The following THSD7B variants were observed in gnomAD, a reference collection of about 807,000 sequenced individuals.
The protein encoded by THSD7B is thrombospondin type 1 domain containing 7B.
THSD7B carries 138 observed loss-of-function variants against 213.6 expected under a neutral mutation model. That is an observed-to-expected ratio of 0.65 (90% CI 0.56 to 0.74). THSD7B has a LOEUF of 0.74. Ranked by LOEUF, THSD7B falls within the 30% of genes least tolerant of loss-of-function variation. THSD7B has a pLI of 0.00. For synonymous variants in THSD7B, 742 were observed against 687.0 expected, an observed-to-expected ratio of 1.08 and a Z score of -1.25; for missense variants, 1,931 against 1,991.5, an observed-to-expected ratio of 0.97 and a Z score of 0.58.
intron 12 of THSD7B, among the ~76,000 whole-genome samples, chr2:137,335,061 T>A (rs1039945657): frequency 6.6e-6 from 1 of 152,210 alleles, no homozygotes; most frequent in Non-Finnish European, 1.5e-5. Context: ...AGCTCTTTTC[T>A]TTATAAATTA....
At chr2:137,196,388 T>C (rs1284597628) in intron 7 of THSD7B, among the ~76,000 whole-genome samples, 2 of 147,826 alleles carry the variant, frequency 1.4e-5, no homozygotes, top group African/African-American at 2.5e-5. Context: ...TTTTTTTTTT[T>C]TTTTTTTTTT....
chr2:136,880,313 C>T (rs1274482687), intron 1 of THSD7B, among the ~76,000 whole-genome samples: 1 of 152,168 alleles, frequency 6.6e-6, no homozygotes, highest in East Asian at 1.9e-4. Context: ...TTGCCACCCA[C>T]CTGTAGTAAT....
At chr2:137,170,538 G>A (rs975170786) in intron 6 of THSD7B, among the ~76,000 whole-genome samples, 19 of 152,124 alleles carry the variant, frequency 1.2e-4, no homozygotes, top group African/African-American at 4.1e-4. Context: ...TTGGAAGACA[G>A]ATTTCCTGCT....
intron 12 of THSD7B, among the ~76,000 whole-genome samples, chr2:137,323,001 C>T (rs2104881476): frequency 6.6e-6 from 1 of 152,274 alleles, no homozygotes; most frequent in African/African-American, 2.4e-5. Flanking sequence ...AGCTTCATGC[C>T]ATGGCTTTTG....
intron 1 of THSD7B, among the ~76,000 whole-genome samples, chr2:136,872,639 C>A (rs1573680630): frequency 8.5e-6 from 1 of 118,178 alleles, no homozygotes; most frequent in East Asian, 2.3e-4. Context: ...TTCTTTCTTT[C>A]TTTTCTCTCT....
chr2:137,153,951 C>G (rs746861708), intron 5 of THSD7B, among the ~76,000 whole-genome samples: 7 of 152,138 alleles, frequency 4.6e-5, no homozygotes, highest in Non-Finnish European at 8.8e-5. Context: ...TTGGGGAGTT[C>G]TGAGTCTTTG....
chr2:137,024,956 T>C (rs1686519097), intron 2 of THSD7B, among the ~76,000 whole-genome samples: 1 of 152,184 alleles, frequency 6.6e-6, no homozygotes, highest in South Asian at 2.1e-4. Flanking sequence ...CCCACCACTG[T>C]CTCATTCCCG....
intron 12 of THSD7B, among the ~76,000 whole-genome samples, chr2:137,384,334 A>G (rs938687755): frequency 5.3e-5 from 8 of 152,220 alleles, no homozygotes; most frequent in African/African-American, 1.4e-4. Flanking sequence ...TCTTAATTCA[A>G]TCAGATTTCT....
At chr2:137,494,462 G>A (rs1187672082) in intron 15 of THSD7B, among the ~76,000 whole-genome samples, 1 of 152,042 alleles carries the variant, frequency 6.6e-6, no homozygotes, top group East Asian at 1.9e-4. Flanking sequence ...ATGATAGTTA[G>A]CTGAGATCCT....
chr2:137,066,964 A>C (rs1293364544), intron 3 of THSD7B, among the ~76,000 whole-genome samples: 1 of 152,086 alleles, frequency 6.6e-6, no homozygotes, highest in African/African-American at 2.4e-5. Context: ...AACTCCGTCC[A>C]GTCTGTTGAT....
intron 2 of THSD7B, among the ~76,000 whole-genome samples, chr2:136,942,425 A>G (rs1684844648): frequency 2.0e-5 from 3 of 152,252 alleles, no homozygotes; most frequent in South Asian, 2.1e-4. Flanking sequence ...CATTGAATCT[A>G]TAAATTATCT....
chr2:136,930,549 G>A (rs1684609996), intron 2 of THSD7B, among the ~76,000 whole-genome samples: 1 of 152,196 alleles, frequency 6.6e-6, no homozygotes, highest in African/African-American at 2.4e-5. Flanking sequence ...AAAGTATAGT[G>A]CTGGGAAGAT....
intron 5 of THSD7B, among the ~76,000 whole-genome samples, chr2:137,124,460 G>A (rs563595120): frequency 2.4e-3 from 359 of 152,142 alleles, no homozygotes; most frequent in African/African-American, 8.2e-3. Context: ...TTTACATCAG[G>A]TTCTCTTCAT....
chr2:137,660,143 AT>A (rs1683315803), intron 25 of THSD7B, among the ~76,000 whole-genome samples: 1 of 152,134 alleles, frequency 6.6e-6, no homozygotes, highest in Non-Finnish European at 1.5e-5. Context: ...GAGTGAGTAC[AT>A]TTTTAGTTTA....
chr2:137,546,434 ATT>A lies in THSD7B; in HGVS notation c.3139-16786_3139-16785del, dbSNP rs1491539144. Among the ~76,000 whole-genome samples, 159 of 22,378 alleles carry A rather than the reference ATT, an allele frequency of 7.1e-3. 21 individuals carry two copies. Among genetic ancestry groups the A allele is most frequent in the African/African-American group, 0.033 (117 of 3,552 alleles). The allele number at this position is 22,378 out of a possible 152,430, so 14.7% of individuals were successfully genotyped here. A position where few individuals can be genotyped will look rare whatever the true frequency, so the allele number is the denominator to read the frequency against. On this transcript the variant is annotated intron_variant, in intron 15 of 27. Transcript: ENST00000409968. ...TATATATTATATATATTATATATATATTATATATATTATATATATATTATATA... is the reference window on the plus strand; with the variant it reads ...TATATATTATATATATTATATATATAATATATATTATATATATATTATATA...
At chr2:137,070,213 A>T (rs897743048) in intron 3 of THSD7B, among the ~76,000 whole-genome samples, 8 of 148,520 alleles carry the variant, frequency 5.4e-5, no homozygotes, top group African/African-American at 2.0e-4. Flanking sequence ...AAGTTATATA[A>T]TCCTTTTGAA....
At chr2:136,919,200 G>A (rs556467129) in intron 2 of THSD7B, among the ~76,000 whole-genome samples, 13 of 152,324 alleles carry the variant, frequency 8.5e-5, no homozygotes, top group African/African-American at 3.1e-4. Context: ...CAAAGCTCTT[G>A]ACTACAGTTG....
chr2:137,483,276 T>A (rs749171539), intron 15 of THSD7B, among the ~76,000 whole-genome samples: 2 of 152,340 alleles, frequency 1.3e-5, no homozygotes, highest in South Asian at 4.1e-4. Context: ...CATGCCTTTT[T>A]TGTAAATGAA....
chr2:136,821,358 T>A (rs1004255509), intron 1 of THSD7B, among the ~76,000 whole-genome samples: 16 of 152,174 alleles, frequency 1.1e-4, no homozygotes, highest in Admixed American at 5.2e-4. Context: ...CATTTATAAT[T>A]AGTTTGAAAC....
Sources: allele counts gnomAD v4.1 joint callset (sites outside exome capture counted in the v4.1 genomes callset), GRCh38; gene constraint gnomAD v4.1.1; transcripts MANE v1.5; gene names NCBI Gene and HGNC (gene_info 2026-07-23, HGNC 2026-07-21).